Variants in S100A9 observed in about 807,000 individuals in gnomAD.
The protein encoded by S100A9 is protein S100-A9.
S100A9 carries 2 observed loss-of-function variants against 4.3 expected under a neutral mutation model. That is an observed-to-expected ratio of 0.47 (90% confidence interval 0.19 to 1.48). The LOEUF (loss-of-function observed/expected upper bound fraction) is 1.48. S100A9 is among the 40% of genes most tolerant of loss of function. The pLI, the probability that S100A9 is intolerant of heterozygous loss-of-function variation, is 0.24. For synonymous variants in S100A9, 67 were observed against 54.0 expected, an observed-to-expected ratio of 1.24 and a Z score of -1.06; for missense variants, 130 against 144.4, an observed-to-expected ratio of 0.90 and a Z score of 0.51.
chr1:153,360,147 G>A (rs1661421935), intron 2 of S100A9, among the ~76,000 whole-genome samples: 1 of 152,206 alleles, frequency 6.6e-6, no homozygotes, highest in Admixed American at 6.5e-5. Flanking sequence ...CAGAGGGAAG[G>A]GAAGGGAGGG....
chr1:153,359,680 CTT>C (rs34039196), intron 2 of S100A9, among the ~76,000 whole-genome samples: 1,352 of 83,784 alleles, frequency 0.016, 13 homozygotes, highest in African/African-American at 0.06. Context: ...GATGTCTCTC[CTT>C]TTTTTTTTTT....
chr1:153,360,732 T>C lies in S100A9; in HGVS notation c.239T>C (p.Ile80Thr). Residue 80 changes from isoleucine to threonine, a missense_variant, in exon 3 of 3, where the codon ATC (isoleucine) becomes ACC (threonine). By Grantham distance (89) the Ile-to-Thr change is moderately conservative (BLOSUM62 -1). Transcript: ENST00000368738. ...AAGCAGCTGAGCTTCGAGGAGTTCA[T>C]CATGCTGATGGCGAGGCTAACCTGG... is the stretch of plus-strand genomic sequence containing the variant. The part of the protein sequence containing the change: ...ADKQLSFEEF[I>T]MLMARLTWAS... 6.2e-7 allele frequency: 1 copy of C among 1,614,114 alleles called. No individual in the cohort carries two copies. The highest frequency in any genetic ancestry group is 8.5e-7 in the Non-Finnish European group (1 of 1,179,946).
rs116223043 is a variant in S100A9 at position 153,360,821 on chromosome 1, G to A, written c.328G>A (p.Gly110Arg). The change falls in exon 3 of 3, where the codon GGG becomes AGG. Residue 110 changes from glycine to arginine, a missense_variant. Transcript: ENST00000368738. ...TGGCCACCACCATAAGCCAGGCCTC[G>A]GGGAGGGCACCCCCTAAGACCACAG... ...GPGHHHKPGL[G>R]EGTP 1.6e-5 allele frequency: 25 copies of A among 1,608,810 alleles called. No individual in the cohort carries two copies. The highest frequency in any genetic ancestry group is 1.1e-4 in the African/African-American group (8 of 74,890).
At position 153,358,427 on chromosome 1, in the gene S100A9, T is replaced by C; in HGVS notation, c.144T>C (p.Phe48=). 6.2e-7 allele frequency: 1 copy of C among 1,607,226 alleles called. No homozygotes were observed. Among genetic ancestry groups the C allele is most frequent in the South Asian group, 1.1e-5 (1 of 90,164 alleles). The part of the protein sequence containing the change: ...KELVRKDLQN[F]LKKENKNEKV... ...TGGTGCGAAAAGATCTGCAAAATTT[T>C]CTCAAGGTAGGGCTGGACTCTGGCA... The change falls in exon 2 of 3, where the codon TTT becomes TTC. Residue 48 remains phenylalanine, a synonymous_variant. Coordinates refer to ENST00000368738, the MANE Select transcript of S100A9 (RefSeq NM_002965.4).
At chr1:153,358,236 A>T (rs1661381149) in intron 1 of S100A9, 33 bp from the exon 2 acceptor site, 1 of 1,445,174 alleles carries the variant, frequency 6.9e-7, no homozygotes, top group Admixed American at 2.2e-5. Flanking sequence ...ATTTTCTTCT[A>T]AGTGTCCCAA....
At position 153,360,903 on chromosome 1, in the gene S100A9, G is replaced by A. The variant is rs1373641638; in HGVS notation, c.*65G>A. 7.6e-6 allele frequency: 10 copies of A among 1,316,352 alleles called. No homozygotes were observed. The highest frequency in any genetic ancestry group is 2.6e-5 in the East Asian group (1 of 38,504). The allele number at this position is 1,316,352 out of a possible 1,614,324, so 81.5% of individuals were successfully genotyped here. A position where few individuals can be genotyped will look rare whatever the true frequency, so the allele number is the denominator to read the frequency against. ...CACAGTCATGGTGGCCACGGCCACA[G>A]CCACTAATCAGGAGGCCAGGCCACC... is the stretch of plus-strand genomic sequence containing the variant. On this transcript the variant is annotated 3_prime_UTR_variant, in exon 3 of 3. Transcript: ENST00000368738.
At chr1:153,358,168 C>T in intron 1 of S100A9, 101 bp from the exon 2 acceptor site, 2 of 709,700 alleles carry the variant, frequency 2.8e-6, no homozygotes, top group Non-Finnish European at 4.6e-6. Flanking sequence ...TTTTATTTTG[C>T]ACTTCCCCCA....
At position 153,360,952 on chromosome 1, in the gene S100A9, C is replaced by T. The variant is rs561433737; in HGVS notation, c.*114C>T. ...CCCTGCCTCTACCCAACCAGGGCCC[C>T]GGGGCCTGTTATGTCAAACTGTCTT... is the stretch of plus-strand genomic sequence containing the variant. On this transcript the variant is annotated 3_prime_UTR_variant, in exon 3 of 3. Coordinates refer to ENST00000368738, the MANE Select transcript of S100A9 (RefSeq NM_002965.4). 47 of 776,544 alleles carry T rather than the reference C, an allele frequency of 6.1e-5. No homozygotes were observed. The African/African-American group carries it at 6.4e-4, about 10-fold the overall frequency. 48.1% of individuals were successfully genotyped at this position (776,544 alleles called of 1,614,324 possible). A position where few individuals can be genotyped will look rare whatever the true frequency, so the allele number is the denominator to read the frequency against.
At position 153,358,301 on chromosome 1, in the gene S100A9, G is replaced by C; in HGVS notation, c.18G>C (p.Ser6=). MTCKM[S]QLERNIETII... is the part of the protein sequence containing the mutation. The stretch of plus-strand genomic sequence containing the variant: ...GCAAGACGATGACTTGCAAAATGTC[G>C]CAGCTGGAACGCAACATAGAGACCA... The change falls in exon 2 of 3, where the codon TCG becomes TCC. Residue 6 remains serine, a synonymous_variant. Transcript: ENST00000368738. 9.4e-6 allele frequency: 15 copies of C among 1,599,158 alleles called. No individual in the cohort carries two copies. Among genetic ancestry groups the C allele is most frequent in the Non-Finnish European group, 1.3e-5 (15 of 1,169,870 alleles).
intron 2 of S100A9, 88 bp downstream of exon 2, chr1:153,358,521 G>A (rs557205167): frequency 1.8e-6 from 2 of 1,130,810 alleles, no homozygotes; most frequent in African/African-American, 1.6e-5. Flanking sequence ...CAGCAATCAA[G>A]GGGAAGATTT....
At chr1:153,360,488 C>T (rs921350784) in intron 2 of S100A9, among the ~76,000 whole-genome samples, 156 bp from the exon 3 acceptor site, 6 of 152,132 alleles carry the variant, frequency 3.9e-5, no homozygotes, top group Non-Finnish European at 5.9e-5. Context: ...AGTGTCTGCT[C>T]CATTGTGCGC....
intron 2 of S100A9, among the ~76,000 whole-genome samples, chr1:153,359,158 T>C (rs929015984): frequency 1.3e-5 from 2 of 151,980 alleles, no homozygotes; most frequent in Non-Finnish European, 2.9e-5. Context: ...CTTTTCAAAT[T>C]TGGGGAAAGT....
intron 2 of S100A9, among the ~76,000 whole-genome samples, chr1:153,358,738 T>C (rs1001611542): frequency 6.6e-6 from 1 of 151,986 alleles, no homozygotes; most frequent in Non-Finnish European, 1.5e-5. Context: ...TGTTGGCCAA[T>C]AAAGAGCACA....
At position 153,360,779 on chromosome 1, in the gene S100A9, G is replaced by A. The variant is rs1063933; in HGVS notation, c.286G>A (p.Glu96Lys). Residue 96 changes from glutamate to lysine, a missense_variant, in exon 3 of 3, where the codon GAG becomes AAG. Transcript: ENST00000368738. ...CTGGGCCTCCCACGAGAAGATGCAC[G>A]AGGGTGACGAGGGCCCTGGCCACCA... is the stretch of plus-strand genomic sequence containing the variant. ...LTWASHEKMH[E>K]GDEGPGHHHK... is the part of the protein sequence containing the mutation. 18 of 1,614,008 alleles carry A rather than the reference G, an allele frequency of 1.1e-5. No individual in the cohort carries two copies. The highest frequency in any genetic ancestry group is 1.7e-5 in the Admixed American group (1 of 59,992).
chr1:153,360,960 G>T lies in S100A9; in HGVS notation c.*122G>T. On this transcript the variant is annotated 3_prime_UTR_variant, in exon 3 of 3. Coordinates refer to ENST00000368738, the MANE Select transcript of S100A9 (RefSeq NM_002965.4). Reference sequence around the variant, plus strand: ...CTACCCAACCAGGGCCCCGGGGCCTGTTATGTCAAACTGTCTTGGCTGTGG... The same window carrying T: ...CTACCCAACCAGGGCCCCGGGGCCTTTTATGTCAAACTGTCTTGGCTGTGG... 1.4e-6 allele frequency: 1 copy of T among 727,956 alleles called. No individual in the cohort carries two copies. Among genetic ancestry groups the T allele is most frequent in the Admixed American group, 3.0e-5 (1 of 33,394 alleles). The allele number at this position is 727,956 out of a possible 1,614,324, so 45.1% of individuals were successfully genotyped here. A position where few individuals can be genotyped will look rare whatever the true frequency, so the allele number is the denominator to read the frequency against.
intron 2 of S100A9, among the ~76,000 whole-genome samples, chr1:153,358,979 T>A (rs1661397693): frequency 6.6e-6 from 1 of 151,554 alleles, no homozygotes; most frequent in South Asian, 2.1e-4. Flanking sequence ...GGTGGAAGAC[T>A]TGGGGGCTTT....
chr1:153,359,542 G>T (rs531119635), intron 2 of S100A9, among the ~76,000 whole-genome samples: 136 of 152,196 alleles, frequency 8.9e-4, no homozygotes, highest in Non-Finnish European at 1.4e-3. Flanking sequence ...GAGAGTGCTC[G>T]CATTGGCTGG....
Position 153,358,316 on chromosome 1 carries a change from C to A in S100A9, c.33C>A (p.Asn11Lys). Residue 11 changes from asparagine (N) to lysine (K), a missense_variant, in exon 2 of 3, where the codon AAC becomes AAA. By Grantham distance (94) the Asn-to-Lys change is moderately conservative. Coordinates refer to ENST00000368738, the MANE Select transcript of S100A9 (RefSeq NM_002965.4). ...GCAAAATGTCGCAGCTGGAACGCAA[C>A]ATAGAGACCATCATCAACACCTTCC... MTCKMSQLER[N>K]IETIINTFHQ... 6.2e-7 allele frequency: 1 copy of A among 1,611,620 alleles called. No individual in the cohort carries two copies. The highest frequency in any genetic ancestry group is 8.5e-7 in the Non-Finnish European group (1 of 1,178,228).
At position 153,360,891 on chromosome 1, in the gene S100A9, G is replaced by A; in HGVS notation, c.*53G>A. On this transcript the variant is annotated 3_prime_UTR_variant, in exon 3 of 3. Transcript: ENST00000368738. ...CACGGCCACGGCCACAGTCATGGTG[G>A]CCACGGCCACAGCCACTAATCAGGA... The A allele has an allele frequency of 7.2e-7, 1 of 1,381,158 alleles. No individual in the cohort carries two copies. Among genetic ancestry groups the A allele is most frequent in the Non-Finnish European group, 9.7e-7 (1 of 1,025,796 alleles). 85.6% of individuals were successfully genotyped at this position (1,381,158 alleles called of 1,614,324 possible).
Sources: gnomAD v4.1 joint callset for allele counts (sites outside exome capture counted in the v4.1 genomes callset) on GRCh38, gnomAD v4.1.1 for gene constraint, MANE v1.5 for transcripts, NCBI Gene and HGNC (gene_info 2026-07-23, HGNC 2026-07-21) for gene names.